CACNA1E: variants seen among roughly 807,000 people sequenced by gnomAD.
CACNA1E encodes voltage-dependent R-type calcium channel subunit alpha-1E.
CACNA1E carries 40 observed loss-of-function variants against 259.2 expected under a neutral mutation model. The observed-to-expected ratio is 0.15, with a 90% confidence interval of 0.12 to 0.20. The LOEUF is 0.20. Among genes scored for constraint, CACNA1E ranks in the 10% least tolerant of loss-of-function variants. The probability of loss-of-function intolerance (pLI) is 1.00; values close to 1 mark genes in which losing one functional copy is unlikely to be tolerated. For synonymous variants in CACNA1E, 1,104 were observed against 1,138.5 expected (o/e 0.97, Z 0.61); for missense variants, 1,874 against 3,040.1 (o/e 0.62, Z 9.02).
chr1:181,524,178 TC>T (rs1372369059), intron 3 of CACNA1E, among the ~76,000 whole-genome samples: 1 of 152,266 alleles, frequency 6.6e-6, no homozygotes, highest in Non-Finnish European at 1.5e-5. Flanking sequence ...CTTATGCTCA[TC>T]CCTCAACCAG....
chr1:181,530,724 T>C (rs1264333026), intron 3 of CACNA1E, among the ~76,000 whole-genome samples: 1 of 152,238 alleles, frequency 6.6e-6, no homozygotes, highest in African/African-American at 2.4e-5. Flanking sequence ...CCATCCCTTC[T>C]GCTGGCCAGT....
chr1:181,548,106 T>A (rs931658297), intron 3 of CACNA1E, among the ~76,000 whole-genome samples: 2 of 143,964 alleles, frequency 1.4e-5, no homozygotes. Flanking sequence ...CTTTCCCCTC[T>A]GTTCCCATAA....
chr1:181,407,144 A>G (rs1657522644), intron 1 of CACNA1E, among the ~76,000 whole-genome samples: 1 of 152,122 alleles, frequency 6.6e-6, no homozygotes, highest in Non-Finnish European at 1.5e-5. Flanking sequence ...AGCCTGTTAA[A>G]TTGCTGTTGG....
At chr1:181,551,709 T>C (rs1447484573) in intron 3 of CACNA1E, among the ~76,000 whole-genome samples, 1 of 152,074 alleles carries the variant, frequency 6.6e-6, no homozygotes, top group Non-Finnish European at 1.5e-5. Context: ...ATCGTCCAGT[T>C]CATCAACACC....
chr1:181,805,082 A>G lies in CACNA1E; in HGVS notation c.*6248A>G, dbSNP rs1417473741. On this transcript the variant is annotated 3_prime_UTR_variant, in exon 48 of 48. Transcript: ENST00000367573. ...AACCCAGCATTGGAAATCTGAACGAATCTTTTCTCTTTTTGTCCTACAAGT... is the reference window on the plus strand; with the variant it reads ...AACCCAGCATTGGAAATCTGAACGAGTCTTTTCTCTTTTTGTCCTACAAGT... 1 of 152,066 alleles carries G rather than the reference A, an allele frequency of 6.6e-6. No individual in the cohort carries two copies. The highest frequency in any genetic ancestry group is 6.5e-5 in the Admixed American group (1 of 15,274). 9.4% of individuals were successfully genotyped at this position (152,066 alleles called of 1,614,324 possible).
At chr1:181,523,583 C>T (rs767040511) in intron 3 of CACNA1E, among the ~76,000 whole-genome samples, 4 of 152,128 alleles carry the variant, frequency 2.6e-5, no homozygotes, top group Admixed American at 6.6e-5. Context: ...ATGTCTCCAT[C>T]TGCATAGAAA....
intron 1 of CACNA1E, among the ~76,000 whole-genome samples, chr1:181,382,397 G>A (rs1333874618): frequency 6.6e-6 from 1 of 152,302 alleles, no homozygotes; most frequent in Non-Finnish European, 1.5e-5. Context: ...GGCTGCAAGC[G>A]AACAAGTGCT....
chr1:181,602,317 C>G (rs1025319956), intron 6 of CACNA1E, among the ~76,000 whole-genome samples: 2 of 152,180 alleles, frequency 1.3e-5, no homozygotes, highest in Non-Finnish European at 2.9e-5. Flanking sequence ...AGTTACTTTT[C>G]ATTGGAAATG....
intron 7 of CACNA1E, among the ~76,000 whole-genome samples, chr1:181,686,293 T>TGTTTTTTTTTG (rs1650555332): frequency 1.5e-5 from 2 of 136,900 alleles, no homozygotes; most frequent in South Asian, 4.9e-4. Flanking sequence ...TTTTTTTTTT[T>TGTTTTTTTTTG]TTTTTTTTTT....
intron 7 of CACNA1E, among the ~76,000 whole-genome samples, chr1:181,665,432 A>G (rs971770810): frequency 9.2e-5 from 14 of 152,146 alleles, no homozygotes; most frequent in African/African-American, 3.1e-4. Context: ...ATCTAGTTTT[A>G]TTTGTTTTTT....
At chr1:181,370,684 T>A (rs1414327741) in intron 1 of CACNA1E, among the ~76,000 whole-genome samples, 1 of 152,206 alleles carries the variant, frequency 6.6e-6, no homozygotes, top group East Asian at 1.9e-4. Context: ...CCGTCATTGG[T>A]GGGCATCCAG....
At chr1:181,367,976 A>AG (rs1654402179) in intron 1 of CACNA1E, among the ~76,000 whole-genome samples, 1 of 152,206 alleles carries the variant, frequency 6.6e-6, no homozygotes, top group Non-Finnish European at 1.5e-5. Flanking sequence ...TGCCCCTGTA[A>AG]TCCCAGCACT....
At chr1:181,368,417 A>C (rs963361738) in intron 1 of CACNA1E, among the ~76,000 whole-genome samples, 9 of 152,206 alleles carry the variant, frequency 5.9e-5, no homozygotes, top group Non-Finnish European at 1.2e-4. Flanking sequence ...ATTTCTAAAA[A>C]GTTATTAAAG....
chr1:181,695,790 A>G (rs1651635412), intron 7 of CACNA1E, among the ~76,000 whole-genome samples: 2 of 152,144 alleles, frequency 1.3e-5, no homozygotes, highest in Non-Finnish European at 2.9e-5. Context: ...CCCCATCTCT[A>G]CAAAAAATAC....
chr1:181,342,244 G>A (rs904073420), intron 1 of CACNA1E, among the ~76,000 whole-genome samples: 1 of 152,154 alleles, frequency 6.6e-6, no homozygotes, highest in Admixed American at 6.5e-5. Flanking sequence ...GGGGACAAGG[G>A]GAAGAAGAGG....
At chr1:181,625,329 G>A (rs199937) in intron 6 of CACNA1E, among the ~76,000 whole-genome samples, 146,395 of 152,224 alleles carry the variant, frequency 0.96, 70,617 homozygotes, top group East Asian at 1. Context: ...CTCTACTTAC[G>A]ATTTTCTCGT....
At chr1:181,335,670 G>A (rs1165057675) in intron 1 of CACNA1E, among the ~76,000 whole-genome samples, 1 of 152,184 alleles carries the variant, frequency 6.6e-6, no homozygotes, top group Non-Finnish European at 1.5e-5. Flanking sequence ...TTACCCTTCT[G>A]TCTGCCATCC....
chr1:181,593,897 C>G (rs568394462), intron 6 of CACNA1E, among the ~76,000 whole-genome samples: 1 of 152,268 alleles, frequency 6.6e-6, no homozygotes, highest in South Asian at 2.1e-4. Flanking sequence ...TGGCAGTGTT[C>G]CTGAATGAGC....
chr1:181,488,051 A>C (rs1663999500), intron 1 of CACNA1E, among the ~76,000 whole-genome samples: 1 of 152,218 alleles, frequency 6.6e-6, no homozygotes, highest in South Asian at 2.1e-4. Context: ...CTGTATCCCC[A>C]AAGCACTCTG....
Sources: allele counts gnomAD v4.1 joint callset (sites outside exome capture counted in the v4.1 genomes callset), GRCh38; gene constraint gnomAD v4.1.1; transcripts MANE v1.5; gene names NCBI Gene and HGNC (gene_info 2026-07-23, HGNC 2026-07-21).